The following STX12 variants were observed in gnomAD, a reference collection of about 807,000 sequenced individuals.
STX12 encodes syntaxin-12.
A neutral mutation model predicts 42.2 loss-of-function variants in STX12; 17 were observed. The observed-to-expected ratio is 0.40, with a 90% confidence interval of 0.28 to 0.60. The LOEUF is 0.60. Among genes scored for constraint, STX12 ranks in the 20% least tolerant of loss-of-function variants. The probability of loss-of-function intolerance (pLI) is 0.39; values close to 1 mark genes in which losing one functional copy is unlikely to be tolerated. For synonymous variants in STX12, 108 were observed against 116.7 expected, an observed-to-expected ratio of 0.93 and a Z score of 0.48; for missense variants, 297 against 330.9, an observed-to-expected ratio of 0.90 and a Z score of 0.79.
At chr1:27,794,573 T>C (rs1408768739) in intron 3 of STX12, among the ~76,000 whole-genome samples, 1 of 152,196 alleles carries the variant, frequency 6.6e-6, no homozygotes, top group Non-Finnish European at 1.5e-5. Context: ...AAGTCAGATG[T>C]GCCCCTCCTT....
At chr1:27,800,071 A>G (rs2088816816) in intron 3 of STX12, among the ~76,000 whole-genome samples, 1 of 152,092 alleles carries the variant, frequency 6.6e-6, no homozygotes, top group Admixed American at 6.5e-5. Flanking sequence ...GGCATTTAAA[A>G]CCTGCTGTGG....
At chr1:27,811,563 C>T (rs193214773) in intron 5 of STX12, among the ~76,000 whole-genome samples, 2 of 152,020 alleles carry the variant, frequency 1.3e-5, no homozygotes, top group Admixed American at 1.3e-4. Flanking sequence ...TCTTGAACTC[C>T]TGGCCTCAAG....
intron 4 of STX12, among the ~76,000 whole-genome samples, chr1:27,805,898 G>A (rs2088859893): frequency 6.6e-6 from 1 of 152,044 alleles, no homozygotes; most frequent in African/African-American, 2.4e-5. Context: ...TAGTTGCATT[G>A]TACAATCTAA....
chr1:27,792,171 T>TATGTATAC (rs1472557332), intron 2 of STX12, among the ~76,000 whole-genome samples: 17 of 127,560 alleles, frequency 1.3e-4, no homozygotes, highest in African/African-American at 6.5e-4. Flanking sequence ...TATATGTATA[T>TATGTATAC]ACATATATAT....
At chr1:27,797,400 G>T (rs577032252) in intron 3 of STX12, among the ~76,000 whole-genome samples, 3 of 151,924 alleles carry the variant, frequency 2.0e-5, no homozygotes, top group East Asian at 1.9e-4. Flanking sequence ...TGCCTATCCC[G>T]TCTGCCCTGA....
At chr1:27,778,547 C>T (rs1207570849) in intron 1 of STX12, among the ~76,000 whole-genome samples, 2 of 151,822 alleles carry the variant, frequency 1.3e-5, no homozygotes, top group Admixed American at 1.3e-4. Flanking sequence ...AAAAGTAAGC[C>T]GGGTGTGATG....
At chr1:27,780,271 G>T (rs1315011411) in intron 1 of STX12, among the ~76,000 whole-genome samples, 1 of 148,420 alleles carries the variant, frequency 6.7e-6, no homozygotes, top group East Asian at 2.0e-4. Flanking sequence ...GTGCAGTGGG[G>T]CGATCAGGCT....
At chr1:27,786,841 T>C (rs2088702287) in intron 1 of STX12, among the ~76,000 whole-genome samples, 1 of 152,238 alleles carries the variant, frequency 6.6e-6, no homozygotes, top group Non-Finnish European at 1.5e-5. Flanking sequence ...TTTCATAAAT[T>C]ATTTTTATGG....
At chr1:27,781,176 T>G (rs2088665538) in intron 1 of STX12, among the ~76,000 whole-genome samples, 1 of 152,230 alleles carries the variant, frequency 6.6e-6, no homozygotes, top group East Asian at 1.9e-4. Context: ...CCTGAGTAGC[T>G]GGGATTACAG....
chr1:27,812,258 G>A lies in STX12; in HGVS notation c.566G>A (p.Arg189Gln), dbSNP rs1015407322. 1.0e-5 allele frequency: 16 copies of A among 1,555,188 alleles called. No individual in the cohort carries two copies. Among genetic ancestry groups the A allele is most frequent in the African/African-American group, 4.1e-5 (3 of 73,284 alleles). Residue 189 changes from arginine (R) to glutamine (Q), a missense_variant, in exon 6 of 9, where the codon CGG becomes CAG. By Grantham distance (43) the Arg-to-Gln change is conservative. Coordinates refer to ENST00000373943, the MANE Select transcript of STX12 (RefSeq NM_177424.3). ...ATTAAAGAAAGAGAAACGGCAATTCGGCAGCTGGAGGTGAGAGCCACGTCA... is the reference window on the plus strand; with the variant it reads ...ATTAAAGAAAGAGAAACGGCAATTCAGCAGCTGGAGGTGAGAGCCACGTCA... ...ELIKERETAIRQLEADILDVN... is the reference protein window; with the variant it reads ...ELIKERETAIQQLEADILDVN...
At chr1:27,814,335 G>C (rs2088925575) in intron 6 of STX12, among the ~76,000 whole-genome samples, 2 of 151,836 alleles carry the variant, frequency 1.3e-5, no homozygotes, top group African/African-American at 4.8e-5. Flanking sequence ...ATTCAAGACA[G>C]CCTGGGCAGT....
chr1:27,814,555 A>G (rs1211220938), intron 6 of STX12, among the ~76,000 whole-genome samples: 9 of 151,592 alleles, frequency 5.9e-5, no homozygotes, highest in Admixed American at 5.3e-4. Flanking sequence ...CTTCCTTCAA[A>G]GAAAAATTAC....
chr1:27,782,256 C>T (rs764562541), intron 1 of STX12, among the ~76,000 whole-genome samples: 34 of 152,112 alleles, frequency 2.2e-4, no homozygotes, highest in Non-Finnish European at 3.7e-4. Context: ...CGCACCACCA[C>T]GTCCAAGTAA....
intron 6 of STX12, among the ~76,000 whole-genome samples, chr1:27,816,635 G>A (rs916410722): frequency 1.0e-4 from 15 of 145,146 alleles, no homozygotes; most frequent in African/African-American, 3.8e-4. Flanking sequence ...AGGGAGGGAG[G>A]GAGGCCAGGC....
chr1:27,811,855 T>C (rs2088905357), intron 5 of STX12: 1 of 419,000 alleles, frequency 2.4e-6, no homozygotes, highest in Non-Finnish European at 4.6e-6. Flanking sequence ...CTGGCTACTT[T>C]CCTTGTCTGG....
chr1:27,792,284 G>A lies in STX12; in HGVS notation c.189-1249G>A, dbSNP rs1234074854. Among the ~76,000 whole-genome samples the A allele has an allele frequency of 1.3e-4, 10 of 78,834 alleles. 1 individual carries two copies. Among genetic ancestry groups the A allele is most frequent in the South Asian group, 3.6e-4 (1 of 2,802 alleles). 51.7% of individuals were successfully genotyped at this position (78,834 alleles called of 152,430 possible). On this transcript the variant is annotated intron_variant, in intron 2 of 8. Coordinates refer to ENST00000373943, the MANE Select transcript of STX12 (RefSeq NM_177424.3). ...TACATATATATGTATCTATATATATGTAGATACATATATATGTATCTATAT... is the reference window on the plus strand; with the variant it reads ...TACATATATATGTATCTATATATATATAGATACATATATATGTATCTATAT...
In STX12 at chr1:27,773,334, C is replaced by T. The variant is rs545725020; in HGVS notation, c.27C>T (p.Tyr9=). The stretch of plus-strand genomic sequence containing the variant: ...TGTCATACGGTCCCTTAGACATGTA[C>T]CGGAACCCGGGGCCCTCGGGGCCCC... The part of the protein sequence containing the change: MSYGPLDM[Y]RNPGPSGPQL... The change falls in exon 1 of 9, where the codon TAC becomes TAT. Residue 9 remains tyrosine, a synonymous_variant. Coordinates refer to ENST00000373943, the MANE Select transcript of STX12 (RefSeq NM_177424.3). The T allele has an allele frequency of 3.1e-6, 5 of 1,611,698 alleles. No individual in the cohort carries two copies. Among genetic ancestry groups the T allele is most frequent in the East Asian group, 4.5e-5 (2 of 44,788 alleles).
chr1:27,803,052 T>C (rs537720207), intron 4 of STX12, among the ~76,000 whole-genome samples: 110 of 152,250 alleles, frequency 7.2e-4, no homozygotes, highest in Non-Finnish European at 1.2e-3. Flanking sequence ...AGAGGTTAAA[T>C]ACGGAAGAAA....
At chr1:27,788,884 C>T (rs1259689169) in intron 1 of STX12, among the ~76,000 whole-genome samples, 3 of 151,972 alleles carry the variant, frequency 2.0e-5, no homozygotes, top group Non-Finnish European at 4.4e-5. Context: ...TGGTGGCAGG[C>T]GCCTGTAGTC....
Sources: allele counts gnomAD v4.1 joint callset (sites outside exome capture counted in the v4.1 genomes callset), GRCh38; gene constraint gnomAD v4.1.1; transcripts MANE v1.5; gene names NCBI Gene and HGNC (gene_info 2026-07-23, HGNC 2026-07-21).